The following PCGF6 variants were observed in gnomAD, a reference collection of about 807,000 sequenced individuals.
The protein encoded by PCGF6 is polycomb group RING finger protein 6.
Under a neutral mutation model 45.5 loss-of-function variants are expected in PCGF6, and 24 were observed. That is an observed-to-expected ratio of 0.53 (90% CI 0.38 to 0.74). The LOEUF (loss-of-function observed/expected upper bound fraction) is 0.74, where lower values mean the gene tolerates loss of function less well. PCGF6 is among the 30% of genes least tolerant of loss of function. The pLI is 0.00. For missense variants in PCGF6, 356 were observed against 443.2 expected (o/e 0.80, Z 1.77); for synonymous variants, 152 against 162.1 (o/e 0.94, Z 0.47).
chr10:103,342,580 A>G (rs977553139), intron 6 of PCGF6, among the ~76,000 whole-genome samples: 1 of 152,164 alleles, frequency 6.6e-6, no homozygotes, highest in African/African-American at 2.4e-5. Context: ...ACACATAAAA[A>G]GTATACGTGT....
chr10:103,336,071 G>C, intron 6 of PCGF6, among the ~76,000 whole-genome samples: 1 of 149,018 alleles, frequency 6.7e-6, no homozygotes, highest in East Asian at 2.0e-4. Flanking sequence ...CTCGAGACCA[G>C]CCTGGGCAAC....
intron 9 of PCGF6, among the ~76,000 whole-genome samples, chr10:103,311,536 G>A (rs556373629): frequency 1.3e-5 from 2 of 150,690 alleles, no homozygotes; most frequent in African/African-American, 2.4e-5. Flanking sequence ...GCGACCTCCC[G>A]GGCTTGAAGC....
rs547042650 is a variant in PCGF6 at position 103,342,858 on chromosome 10, C to A, written c.782+2166G>T. ...ATTACATGATTTCTTCTAATTTTTC[C>A]AAAGGGATCTTTATGTCATTATCAT... On this transcript the variant is annotated intron_variant, in intron 6 of 9. Transcript: ENST00000369847. Among the ~76,000 whole-genome samples the A allele has an allele frequency of 2.6e-5, 4 of 152,228 alleles. No individual in the cohort carries two copies. In the South Asian group the frequency reaches 8.3e-4, roughly 32 times the overall value.
At chr10:103,339,600 C>T (rs1216142593) in intron 6 of PCGF6, among the ~76,000 whole-genome samples, 33 of 142,486 alleles carry the variant, frequency 2.3e-4, no homozygotes, top group East Asian at 1.7e-3. Context: ...ACCAGCCTGG[C>T]CAACATGGTG....
At chr10:103,313,576 T>C (rs1365075966) in intron 9 of PCGF6, among the ~76,000 whole-genome samples, 1 of 151,144 alleles carries the variant, frequency 6.6e-6, no homozygotes, top group Non-Finnish European at 1.5e-5. Context: ...AAAAAATGAA[T>C]AAATAAAAAT....
At chr10:103,316,013 T>TATAGAGAGAG (rs1311416309) in intron 8 of PCGF6, among the ~76,000 whole-genome samples, 7 of 119,500 alleles carry the variant, frequency 5.9e-5, no homozygotes, top group African/African-American at 2.3e-4. Context: ...TATATATATA[T>TATAGAGAGAG]AGAGAGAGAG....
intron 9 of PCGF6, among the ~76,000 whole-genome samples, chr10:103,308,382 G>A (rs1359123790): frequency 6.6e-6 from 1 of 151,926 alleles, no homozygotes. Flanking sequence ...AGGGCAGGGA[G>A]ACAAAGGAGA....
intron 8 of PCGF6, among the ~76,000 whole-genome samples, chr10:103,314,904 G>A (rs536455094): frequency 1.0e-4 from 13 of 129,918 alleles, no homozygotes; most frequent in African/African-American, 3.2e-4. Context: ...GCAATGAGCC[G>A]AGATCATGCC....
intron 6 of PCGF6, among the ~76,000 whole-genome samples, chr10:103,341,828 A>G (rs2093281993): frequency 6.6e-6 from 1 of 152,154 alleles, no homozygotes; most frequent in Admixed American, 6.6e-5. Context: ...AAACAAAACA[A>G]AAGTCACATT....
Position 103,303,549 on chromosome 10 carries a change from G to C in PCGF6, c.*356C>G. On this transcript the variant is annotated 3_prime_UTR_variant, in exon 10 of 10. Coordinates refer to ENST00000369847, the MANE Select transcript of PCGF6 (RefSeq NM_001011663.2). Reference sequence around the variant, plus strand: ...ACTGCCCAACTGATGCCATCCCAGAGAGCAGATATCCCAACCACCAACTTG... The same window carrying C: ...ACTGCCCAACTGATGCCATCCCAGACAGCAGATATCCCAACCACCAACTTG... The C allele has an allele frequency of 5.5e-6, 1 of 180,202 alleles. No individual in the cohort carries two copies. Among genetic ancestry groups the C allele is most frequent in the Non-Finnish European group, 1.2e-5 (1 of 85,652 alleles). The allele number at this position is 180,202 out of a possible 1,614,324, so 11.2% of individuals were successfully genotyped here. A position where few individuals can be genotyped will look rare whatever the true frequency, so the allele number is the denominator to read the frequency against.
chr10:103,327,025 G>A (rs889386317), intron 7 of PCGF6, among the ~76,000 whole-genome samples: 35 of 152,154 alleles, frequency 2.3e-4, no homozygotes, highest in African/African-American at 6.3e-4. Flanking sequence ...GGTGGCTCAC[G>A]CCTGCAATCC....
intron 3 of PCGF6, chr10:103,348,479 G>C (rs908623508): frequency 3.3e-6 from 1 of 300,544 alleles, no homozygotes; most frequent in Non-Finnish European, 6.2e-6. Flanking sequence ...TGGGATTACA[G>C]GCATGTGCCG....
At chr10:103,313,780 A>G (rs2093165406) in intron 9 of PCGF6, among the ~76,000 whole-genome samples, 1 of 152,124 alleles carries the variant, frequency 6.6e-6, no homozygotes, top group African/African-American at 2.4e-5. Flanking sequence ...GTCCTTCTGG[A>G]TGCATTGGCC....
rs777837671 is a variant in PCGF6, at chr10:103,348,700, T to C, written c.557+16A>G. 7 of 1,454,704 alleles carry C rather than the reference T, an allele frequency of 4.8e-6. No individual in the cohort carries two copies. Among genetic ancestry groups the C allele is most frequent in the South Asian group, 2.5e-5 (2 of 81,620 alleles). 90.1% of individuals were successfully genotyped at this position (1,454,704 alleles called of 1,614,324 possible). ...GTATATTTAAAATACAATTGTAATT[T>C]ATATATTCTTCTTACCTTATGTTAT... is the stretch of plus-strand genomic sequence containing the variant. On this transcript the variant is annotated intron_variant, in intron 3 of 9. Coordinates refer to ENST00000369847, the MANE Select transcript of PCGF6 (RefSeq NM_001011663.2).
intron 8 of PCGF6, among the ~76,000 whole-genome samples, chr10:103,317,398 A>G (rs1458857958): frequency 6.6e-6 from 1 of 152,222 alleles, no homozygotes; most frequent in Non-Finnish European, 1.5e-5. Context: ...TATTATTACT[A>G]TATTTTCAAC....
chr10:103,313,897 G>A (rs2093165853), intron 9 of PCGF6, among the ~76,000 whole-genome samples: 1 of 152,126 alleles, frequency 6.6e-6, no homozygotes, highest in Non-Finnish European at 1.5e-5. Context: ...CTGACTGTAG[G>A]AAGTTATATG....
chr10:103,320,419 GCT>G (rs1320867286), intron 8 of PCGF6, among the ~76,000 whole-genome samples: 3 of 152,134 alleles, frequency 2.0e-5, no homozygotes, highest in African/African-American at 7.2e-5. Flanking sequence ...GGGCGCGGTG[GCT>G]CACACTTGTA....
chr10:103,335,233 T>G (rs1021142951), intron 6 of PCGF6, among the ~76,000 whole-genome samples: 1 of 151,688 alleles, frequency 6.6e-6, no homozygotes, highest in Non-Finnish European at 1.5e-5. Context: ...AAAAAAAAAT[T>G]TTAAGAGATA....
intron 8 of PCGF6, among the ~76,000 whole-genome samples, chr10:103,324,711 G>A (rs756142418): frequency 7.3e-6 from 1 of 137,670 alleles, no homozygotes; most frequent in Non-Finnish European, 1.5e-5. Flanking sequence ...AGTGAGCCGG[G>A]ACCGCCCCAC....
Sources: allele counts gnomAD v4.1 joint callset (sites outside exome capture counted in the v4.1 genomes callset), GRCh38; gene constraint gnomAD v4.1.1; transcripts MANE v1.5; gene names NCBI Gene and HGNC (gene_info 2026-07-23, HGNC 2026-07-21).